The following UBE2R2 variants were observed in gnomAD, a reference collection of about 807,000 sequenced individuals.
UBE2R2 encodes the protein ubiquitin conjugating enzyme E2 R2, also known as ubiquitin-conjugating enzyme E2 R2.
Under a neutral mutation model 27.8 loss-of-function variants are expected in UBE2R2, and 1 was observed. The ratio of observed to expected loss-of-function variants is 0.04; its 90% CI spans 0.01 to 0.17. The LOEUF (loss-of-function observed/expected upper bound fraction) is 0.17, where lower values mean the gene tolerates loss of function less well. Among genes scored for constraint, UBE2R2 ranks in the 10% least tolerant of loss-of-function variants. UBE2R2 has a pLI of 1.00. For missense variants in UBE2R2, 100 were observed against 291.0 expected (o/e 0.34, Z 4.78); for synonymous variants, 106 against 113.3 (o/e 0.94, Z 0.41).
intron 1 of UBE2R2, among the ~76,000 whole-genome samples, chr9:33,866,229 G>A (rs1371469855): frequency 1.3e-5 from 2 of 151,698 alleles, no homozygotes; most frequent in Admixed American, 1.3e-4. Flanking sequence ...ATACTTAACT[G>A]AAATGTAATT....
In UBE2R2 at chr9:33,859,760, TTGTGTGTGTGTG is replaced by T. The variant is rs57089790; in HGVS notation, c.178-27092_178-27081del. Among the ~76,000 whole-genome samples, 297 of 130,716 alleles carry T rather than the reference TTGTGTGTGTGTG, an allele frequency of 2.3e-3. 2 individuals are homozygous for T. The highest frequency in any genetic ancestry group is 3.3e-3 in the Non-Finnish European group (207 of 63,268). The allele number at this position is 130,716 out of a possible 152,430, so 85.8% of individuals were successfully genotyped here. A position where few individuals can be genotyped will look rare whatever the true frequency, so the allele number is the denominator to read the frequency against. On this transcript the variant is annotated intron_variant, in intron 1 of 4. Transcript: ENST00000263228. The stretch of plus-strand genomic sequence containing the variant: ...CAGTCCTTGTGGTTATCTAAGCCTT[TTGTGTGTGTGTG>T]TGTGTGTGTGTGTGTGTGTGTGTGT...
intron 2 of UBE2R2, among the ~76,000 whole-genome samples, chr9:33,892,979 G>T (rs892794044): frequency 6.6e-6 from 1 of 152,010 alleles, no homozygotes; most frequent in African/African-American, 2.4e-5. Context: ...TAAACAATTT[G>T]CAGGGAGATC....
intron 1 of UBE2R2, among the ~76,000 whole-genome samples, chr9:33,880,916 C>T (rs1821719640): frequency 6.6e-6 from 1 of 152,184 alleles, no homozygotes; most frequent in Non-Finnish European, 1.5e-5. Flanking sequence ...CCTTCCCACT[C>T]CTCCGCCCTC....
At chr9:33,909,140 ATCGTCG>A (rs1010122013) in intron 3 of UBE2R2, among the ~76,000 whole-genome samples, 1 of 150,390 alleles carries the variant, frequency 6.6e-6, no homozygotes, top group African/African-American at 2.5e-5. Flanking sequence ...CATCATCATC[ATCGTCG>A]TCGTCATTGA....
chr9:33,903,152 T>C (rs920306614), intron 3 of UBE2R2, among the ~76,000 whole-genome samples: 9 of 152,196 alleles, frequency 5.9e-5, no homozygotes, highest in Non-Finnish European at 1.3e-4. Context: ...AAGAGTATGT[T>C]TGAGGGTGCT....
chr9:33,882,117 A>G (rs958736221), intron 1 of UBE2R2, among the ~76,000 whole-genome samples: 1 of 152,116 alleles, frequency 6.6e-6, no homozygotes, highest in Non-Finnish European at 1.5e-5. Flanking sequence ...GAGCTCTTGC[A>G]GTTTGGCTCC....
intron 3 of UBE2R2, among the ~76,000 whole-genome samples, chr9:33,902,487 A>G (rs544944682): frequency 1.3e-5 from 2 of 152,234 alleles, no homozygotes; most frequent in East Asian, 1.9e-4. Flanking sequence ...TTTTCAAGGA[A>G]TTTTTTGGGT....
rs933391361 is a variant in UBE2R2 at position 33,920,005 on chromosome 9, C to A, written c.*2768C>A. On this transcript the variant is annotated 3_prime_UTR_variant, in exon 5 of 5. Transcript: ENST00000263228. ...CTATTAGTCAAACTTTTTTGTAGAACCTTCTTTCCCTTACCCTGGCAAATT... is the reference window on the plus strand; with the variant it reads ...CTATTAGTCAAACTTTTTTGTAGAAACTTCTTTCCCTTACCCTGGCAAATT... 1 of 152,218 alleles carries A rather than the reference C, an allele frequency of 6.6e-6. No homozygotes were observed. Among genetic ancestry groups the A allele is most frequent in the African/African-American group, 2.4e-5 (1 of 41,414 alleles). 9.4% of individuals were successfully genotyped at this position (152,218 alleles called of 1,614,324 possible). A position where few individuals can be genotyped will look rare whatever the true frequency, so the allele number is the denominator to read the frequency against.
intron 1 of UBE2R2, chr9:33,868,685 TC>T (rs899970571): frequency 2.0e-5 from 3 of 151,886 alleles, no homozygotes; most frequent in African/African-American, 7.3e-5. Flanking sequence ...TGCTCTACCC[TC>T]CCCCCAAAAA....
chr9:33,838,599 C>G (rs756803270), intron 1 of UBE2R2, among the ~76,000 whole-genome samples: 2 of 151,714 alleles, frequency 1.3e-5, no homozygotes, highest in Non-Finnish European at 2.9e-5. Flanking sequence ...CCCAGAACTT[C>G]GGGAGGCTGA....
At chr9:33,845,962 C>T (rs1348298742) in intron 1 of UBE2R2, among the ~76,000 whole-genome samples, 1 of 152,008 alleles carries the variant, frequency 6.6e-6, no homozygotes, top group East Asian at 1.9e-4. Flanking sequence ...AACCCCGTCT[C>T]TACTGAAAAT....
At chr9:33,886,309 T>C (rs545507746) in intron 1 of UBE2R2, among the ~76,000 whole-genome samples, 2 of 152,114 alleles carry the variant, frequency 1.3e-5, no homozygotes, top group East Asian at 3.9e-4. Flanking sequence ...GTTAAAATTA[T>C]ATTTATGTAT....
chr9:33,888,896 A>G (rs1821921462), intron 2 of UBE2R2, among the ~76,000 whole-genome samples: 1 of 152,214 alleles, frequency 6.6e-6, no homozygotes, highest in Non-Finnish European at 1.5e-5. Flanking sequence ...ATAAATGAGC[A>G]CATTGGGGCA....
intron 2 of UBE2R2, among the ~76,000 whole-genome samples, chr9:33,893,646 A>AT: frequency 6.6e-6 from 1 of 152,032 alleles, no homozygotes; most frequent in South Asian, 2.1e-4. Flanking sequence ...TTATTTATTT[A>AT]TTTTTTGAGA....
At chr9:33,906,582 G>A (rs1406744370) in intron 3 of UBE2R2, among the ~76,000 whole-genome samples, 1 of 152,020 alleles carries the variant, frequency 6.6e-6, no homozygotes, top group Non-Finnish European at 1.5e-5. Flanking sequence ...GCAGACCCTC[G>A]AGCCAGGTCT....
intron 1 of UBE2R2, among the ~76,000 whole-genome samples, chr9:33,872,472 T>A (rs1428423810): frequency 2.0e-5 from 3 of 152,104 alleles, no homozygotes; most frequent in Non-Finnish European, 4.4e-5. Flanking sequence ...ATAATTTTTT[T>A]AAATGGTAAA....
chr9:33,910,273 C>T (rs767806540), intron 3 of UBE2R2, among the ~76,000 whole-genome samples: 6 of 152,088 alleles, frequency 3.9e-5, no homozygotes, highest in East Asian at 3.9e-4. Context: ...CTCAGCCTCC[C>T]GAGTAGCTGG....
intron 1 of UBE2R2, among the ~76,000 whole-genome samples, chr9:33,884,198 A>ATCTCTCTCTCTCTCTCTCTC (rs777923492): frequency 0.028 from 1,754 of 63,450 alleles, 240 homozygotes; most frequent in East Asian, 0.055. Flanking sequence ...CAACTTAAGA[A>ATCTCTCTCTCTCTCTCTCTC]TCTCTCTCTC....
intron 1 of UBE2R2, among the ~76,000 whole-genome samples, chr9:33,883,469 A>C (rs958180677): frequency 6.6e-6 from 1 of 152,090 alleles, no homozygotes; most frequent in African/African-American, 2.4e-5. Context: ...TAATCCCAGC[A>C]CTTTGGGAGG....
Sources: gnomAD v4.1 joint callset for allele counts (sites outside exome capture counted in the v4.1 genomes callset) on GRCh38, gnomAD v4.1.1 for gene constraint, MANE v1.5 for transcripts, NCBI Gene and HGNC (gene_info 2026-07-23, HGNC 2026-07-21) for gene names.